MAML2: variants seen among roughly 807,000 people sequenced by gnomAD.
MAML2 encodes mastermind-like protein 2.
MAML2 carries 22 observed loss-of-function variants against 96.1 expected under a neutral mutation model. That is an observed-to-expected ratio of 0.23 (90% CI 0.16 to 0.33). The LOEUF is 0.33. Among genes scored for constraint, MAML2 ranks in the 10% least tolerant of loss-of-function variants. MAML2 has a pLI of 1.00. For missense variants in MAML2, 1,367 were observed against 1,392.4 expected (o/e 0.98, Z 0.29); for synonymous variants, 561 against 521.3 (o/e 1.08, Z -1.04).
intron 2 of MAML2, among the ~76,000 whole-genome samples, chr11:96,041,358 G>T (rs1018878937): frequency 2.0e-5 from 3 of 151,096 alleles, no homozygotes; most frequent in Non-Finnish European, 4.4e-5. Context: ...AAATTTAGCC[G>T]GGCATAGTGG....
intron 1 of MAML2, among the ~76,000 whole-genome samples, chr11:96,271,466 C>T (rs139801722): frequency 6.6e-6 from 1 of 152,212 alleles, no homozygotes; most frequent in East Asian, 1.9e-4. Context: ...AATTGTAGTT[C>T]CCATAATCCT....
intron 1 of MAML2, among the ~76,000 whole-genome samples, chr11:96,277,218 C>T (rs981692256): frequency 6.6e-6 from 1 of 152,128 alleles, no homozygotes; most frequent in Admixed American, 6.5e-5. Flanking sequence ...CTTAGGACTT[C>T]TGTATCTCGA....
At chr11:96,023,310 GTT>G (rs2135738684) in intron 2 of MAML2, among the ~76,000 whole-genome samples, 1 of 152,334 alleles carries the variant, frequency 6.6e-6, no homozygotes, top group East Asian at 1.9e-4. Flanking sequence ...TGGAGTCACT[GTT>G]TGCATATTTT....
chr11:96,332,283 T>C (rs1863864859), intron 1 of MAML2, among the ~76,000 whole-genome samples: 2 of 152,236 alleles, frequency 1.3e-5, no homozygotes, highest in African/African-American at 4.8e-5. Flanking sequence ...AAAGGGCTCC[T>C]GAGCCAGTAT....
chr11:96,233,617 C>T (rs1274046990), intron 1 of MAML2, among the ~76,000 whole-genome samples: 1 of 152,084 alleles, frequency 6.6e-6, no homozygotes, highest in Non-Finnish European at 1.5e-5. Context: ...CTGTGCTGCC[C>T]AGGCTGGTCT....
intron 1 of MAML2, among the ~76,000 whole-genome samples, chr11:96,321,971 T>TG (rs1863708851): frequency 2.6e-5 from 4 of 152,182 alleles, no homozygotes; most frequent in African/African-American, 9.7e-5. Flanking sequence ...TTGTTGTTGT[T>TG]TTTTTCCTTA....
intron 1 of MAML2, among the ~76,000 whole-genome samples, chr11:96,339,523 C>T (rs1400205115): frequency 1.3e-5 from 2 of 152,222 alleles, no homozygotes; most frequent in African/African-American, 4.8e-5. Flanking sequence ...GGGAAGCCCA[C>T]TGTGGCTCTT....
At chr11:96,197,280 C>T (rs145112163) in intron 1 of MAML2, among the ~76,000 whole-genome samples, 6 of 152,306 alleles carry the variant, frequency 3.9e-5, no homozygotes, top group African/African-American at 1.2e-4. Context: ...CCCCTTGCTC[C>T]TCCTTCGACA....
rs370400405 is a variant in MAML2, at chr11:95,991,742, G to A, written c.2140-19C>T. ...GTTGATCCTAAAGAAGAGAAAGGGG[G>A]AAGGAAAAGCTACTGTGAATTAAAA... On this transcript the variant is annotated intron_variant, in intron 2 of 4. Coordinates refer to ENST00000524717, the MANE Select transcript of MAML2 (RefSeq NM_032427.4). The A allele has an allele frequency of 5.0e-6, 8 of 1,601,206 alleles. No individual in the cohort carries two copies. In the African/African-American group the frequency reaches 8.0e-5, roughly 16 times the overall value.
At chr11:96,261,838 C>A (rs1862754747) in intron 1 of MAML2, among the ~76,000 whole-genome samples, 1 of 152,204 alleles carries the variant, frequency 6.6e-6, no homozygotes, top group Non-Finnish European at 1.5e-5. Flanking sequence ...TAACTGCAGA[C>A]AATTTTATAA....
At chr11:96,141,586 AG>A (rs1026431198) in intron 1 of MAML2, among the ~76,000 whole-genome samples, 2 of 152,146 alleles carry the variant, frequency 1.3e-5, no homozygotes, top group Admixed American at 1.3e-4. Context: ...ATGAGAGCCA[AG>A]GTAAATGAGT....
intron 1 of MAML2, among the ~76,000 whole-genome samples, chr11:96,235,489 AAG>A (rs1862355311): frequency 6.6e-6 from 1 of 152,158 alleles, no homozygotes; most frequent in South Asian, 2.1e-4. Flanking sequence ...TTTGAACTGA[AAG>A]TCAGGAGACC....
At chr11:96,337,151 T>C (rs567821234) in intron 1 of MAML2, among the ~76,000 whole-genome samples, 1 of 152,314 alleles carries the variant, frequency 6.6e-6, no homozygotes, top group South Asian at 2.1e-4. Flanking sequence ...TCTCCTTTTT[T>C]TTTACTTTGT....
chr11:96,238,193 G>T (rs1862390152), intron 1 of MAML2, among the ~76,000 whole-genome samples: 2 of 152,174 alleles, frequency 1.3e-5, no homozygotes, highest in African/African-American at 4.8e-5. Flanking sequence ...CAATAAAACT[G>T]CCATTTACAC....
chr11:96,137,755 G>T (rs1056246221), intron 1 of MAML2, among the ~76,000 whole-genome samples: 22 of 152,148 alleles, frequency 1.4e-4, no homozygotes, highest in African/African-American at 5.1e-4. Flanking sequence ...CTTGGATAAT[G>T]AATATTATTA....
chr11:96,075,563 G>C (rs1939486), intron 2 of MAML2, among the ~76,000 whole-genome samples: 58,470 of 152,020 alleles, frequency 0.38, 11,589 homozygotes, highest in African/African-American at 0.43. Context: ...TGCCTACAGA[G>C]TGCTAGGGAG....
intron 2 of MAML2, among the ~76,000 whole-genome samples, chr11:96,081,488 A>G (rs1859528951): frequency 6.6e-6 from 1 of 151,322 alleles, no homozygotes; most frequent in Non-Finnish European, 1.5e-5. Flanking sequence ...CCTCCATTTA[A>G]TGAATGTGTA....
intron 2 of MAML2, among the ~76,000 whole-genome samples, chr11:96,038,460 C>G (rs1858754371): frequency 6.6e-6 from 1 of 152,200 alleles, no homozygotes; most frequent in Non-Finnish European, 1.5e-5. Flanking sequence ...ATGACTAGAT[C>G]TTGAATAAAT....
intron 1 of MAML2, among the ~76,000 whole-genome samples, chr11:96,267,828 G>T (rs1862851803): frequency 6.6e-6 from 1 of 152,210 alleles, no homozygotes; most frequent in Non-Finnish European, 1.5e-5. Context: ...TCTGGAGGAA[G>T]CTGAATCTGA....
Sources: allele counts gnomAD v4.1 joint callset (sites outside exome capture counted in the v4.1 genomes callset), GRCh38; gene constraint gnomAD v4.1.1; transcripts MANE v1.5; gene names NCBI Gene and HGNC (gene_info 2026-07-23, HGNC 2026-07-21).